The following KDM4C variants were observed in gnomAD, a reference collection of about 807,000 sequenced individuals.
KDM4C encodes lysine demethylase 4C.
A neutral mutation model predicts 129.3 loss-of-function variants in KDM4C; 81 were observed. The ratio of observed to expected loss-of-function variants is 0.63; its 90% CI spans 0.52 to 0.75. The LOEUF (loss-of-function observed/expected upper bound fraction) is 0.75, where lower values mean the gene tolerates loss of function less well. KDM4C is among the 30% of genes least tolerant of loss of function. The probability of loss-of-function intolerance (pLI) is 0.00; values close to 1 mark genes in which losing one functional copy is unlikely to be tolerated. For synonymous variants in KDM4C, 573 were observed against 456.1 expected (o/e 1.26, Z -3.26); for missense variants, 1,457 against 1,304.0 (o/e 1.12, Z -1.81).
chr9:6,956,906 T>A (rs1392207599), intron 8 of KDM4C, among the ~76,000 whole-genome samples: 1 of 152,214 alleles, frequency 6.6e-6, no homozygotes. Flanking sequence ...GTGTCTCTGG[T>A]ACTGAAGCCT....
chr9:6,739,590 A>G (rs138228011), intron 1 of KDM4C, among the ~76,000 whole-genome samples: 1 of 151,848 alleles, frequency 6.6e-6, no homozygotes, highest in Non-Finnish European at 1.5e-5. Flanking sequence ...ACAGTTTTAG[A>G]TAGCTAGATA....
chr9:6,838,992 G>C (rs145855357), intron 4 of KDM4C, among the ~76,000 whole-genome samples: 68 of 152,298 alleles, frequency 4.5e-4, no homozygotes, highest in African/African-American at 1.3e-3. Flanking sequence ...AATCTTTAAA[G>C]AACTAACCAA....
intron 8 of KDM4C, chr9:6,978,707 C>T (rs542972247): frequency 5.6e-5 from 8 of 143,724 alleles, no homozygotes; most frequent in African/African-American, 1.7e-4. Context: ...ATCCAAGCAT[C>T]AAGCAAGACA....
At position 6,729,265 on chromosome 9, in the gene KDM4C, A is replaced by G. The variant is rs1237066979; in HGVS notation, c.49+8268A>G. Among the ~76,000 whole-genome samples the G allele has an allele frequency of 1.6e-5, 2 of 125,136 alleles. 1 individual carries two copies. Among genetic ancestry groups the G allele is most frequent in the Non-Finnish European group, 3.2e-5 (2 of 63,022 alleles). The allele number at this position is 125,136 out of a possible 152,430, so 82.1% of individuals were successfully genotyped here. On this transcript the variant is annotated intron_variant, in intron 1 of 17. Coordinates refer to the KDM4C transcript ENST00000536108. ...AAATAAATGGAAGAAACAGGGCCAG[A>G]CGTTGTGGCTTATGCCTGCAATCCC...
intron 1 of KDM4C, among the ~76,000 whole-genome samples, chr9:6,746,179 G>T (rs1817864980): frequency 6.6e-6 from 1 of 150,706 alleles, no homozygotes; most frequent in Non-Finnish European, 1.5e-5. Context: ...GACCTCAAGT[G>T]ATCTGCCCAC....
intron 6 of KDM4C, among the ~76,000 whole-genome samples, chr9:6,881,317 A>G (rs762615735): frequency 7.2e-5 from 11 of 152,356 alleles, no homozygotes; most frequent in Non-Finnish European, 1.5e-4. Context: ...CTTTTTAAAA[A>G]TGTAATACAT....
chr9:7,121,615 C>T (rs1333736741), intron 18 of KDM4C, among the ~76,000 whole-genome samples: 2 of 152,034 alleles, frequency 1.3e-5, no homozygotes, highest in Non-Finnish European at 2.9e-5. Context: ...ACAGTGTACA[C>T]GTGTGTTTAC....
In KDM4C at chr9:6,986,659, T is replaced by A; in HGVS notation, c.1670T>A (p.Val557Asp). 1 of 1,602,210 alleles carries A rather than the reference T, an allele frequency of 6.2e-7. No homozygotes were observed. The highest frequency in any genetic ancestry group is 8.5e-7 in the Non-Finnish European group (1 of 1,171,758). The change falls in exon 11 of 22, where the codon GTC becomes GAC. Residue 557 changes from valine to aspartate, a missense_variant. By Grantham distance (152) the Val-to-Asp change is radical (BLOSUM62 -3). Coordinates refer to ENST00000381309, the MANE Select transcript of KDM4C (RefSeq NM_015061.6). ...VPSGERNSFKVPSIAEGENKT... is the reference protein window; with the variant it reads ...VPSGERNSFKDPSIAEGENKT... ...AGTGGAGAGAGAAATAGCTTCAAAG[T>A]CCCCAGTGTATGTGGCAATATCCAT... is the stretch of plus-strand genomic sequence containing the variant.
At chr9:6,830,886 A>T (rs1834698484) in intron 4 of KDM4C, among the ~76,000 whole-genome samples, 1 of 152,234 alleles carries the variant, frequency 6.6e-6, no homozygotes, top group Admixed American at 6.5e-5. Context: ...AGCAAGGTGG[A>T]AAAAACCAAC....
At chr9:6,871,873 T>C (rs1353330177) in intron 5 of KDM4C, among the ~76,000 whole-genome samples, 1 of 152,212 alleles carries the variant, frequency 6.6e-6, no homozygotes, top group East Asian at 1.9e-4. Flanking sequence ...AAATGATGTG[T>C]GCACATTGAG....
intron 15 of KDM4C, among the ~76,000 whole-genome samples, chr9:7,024,289 G>GTTTT (rs61133083): frequency 2.5e-4 from 33 of 132,410 alleles, no homozygotes; most frequent in African/African-American, 4.8e-4. Flanking sequence ...TAATGTTTTC[G>GTTTT]TTTTTTTTTT....
At chr9:6,990,166 C>T (rs997735944) in intron 11 of KDM4C, among the ~76,000 whole-genome samples, 2 of 152,100 alleles carry the variant, frequency 1.3e-5, no homozygotes, top group African/African-American at 4.8e-5. Context: ...CTACCCTGCC[C>T]TACAGCTTGT....
intron 1 of KDM4C, among the ~76,000 whole-genome samples, chr9:6,769,300 T>A (rs946861997): frequency 6.6e-5 from 10 of 152,148 alleles, no homozygotes; most frequent in South Asian, 2.1e-4. Flanking sequence ...GAGAGAAGAT[T>A]TGTTCCTTAT....
intron 4 of KDM4C, among the ~76,000 whole-genome samples, chr9:6,825,889 C>T (rs1191473524): frequency 2.6e-5 from 4 of 152,188 alleles, no homozygotes; most frequent in African/African-American, 9.7e-5. Context: ...CAGCTCACAG[C>T]AGCCTCCACC....
chr9:6,861,646 C>T (rs533062017), intron 5 of KDM4C, among the ~76,000 whole-genome samples: 4 of 152,148 alleles, frequency 2.6e-5, no homozygotes, highest in Non-Finnish European at 5.9e-5. Flanking sequence ...ATGAATCTAT[C>T]CCCTCCTCTC....
intron 17 of KDM4C, among the ~76,000 whole-genome samples, chr9:7,053,348 C>G (rs560630743): frequency 6.6e-6 from 1 of 152,108 alleles, no homozygotes; most frequent in Non-Finnish European, 1.5e-5. Flanking sequence ...GTGGCGGATA[C>G]AGGAAAGGAT....
intron 17 of KDM4C, among the ~76,000 whole-genome samples, chr9:7,063,838 C>G (rs1832046009): frequency 6.6e-6 from 1 of 152,100 alleles, no homozygotes; most frequent in African/African-American, 2.4e-5. Flanking sequence ...TGCTCTGTGG[C>G]CTGGCAGTGG....
intron 18 of KDM4C, among the ~76,000 whole-genome samples, chr9:7,106,361 A>C (rs181349983): frequency 6.6e-6 from 1 of 152,358 alleles, no homozygotes; most frequent in East Asian, 1.9e-4. Context: ...TCAACCATGC[A>C]TTGATTATTT....
At chr9:6,861,276 C>A (rs1399343478) in intron 5 of KDM4C, among the ~76,000 whole-genome samples, 2 of 152,142 alleles carry the variant, frequency 1.3e-5, no homozygotes, top group Non-Finnish European at 2.9e-5. Context: ...ATTCAACTTC[C>A]TGAGAGCAGT....
Sources: gnomAD v4.1 joint callset for allele counts (sites outside exome capture counted in the v4.1 genomes callset) on GRCh38, gnomAD v4.1.1 for gene constraint, MANE v1.5 for transcripts, NCBI Gene and HGNC (gene_info 2026-07-23, HGNC 2026-07-21) for gene names.